Variants in PAWR observed in about 807,000 individuals in gnomAD.
PAWR encodes pro-apoptotic WT1 regulator, also known as PRKC apoptosis WT1 regulator protein.
A neutral mutation model predicts 32.0 loss-of-function variants in PAWR; 23 were observed. The observed-to-expected ratio is 0.72, with a 90% CI of 0.52 to 1.02. The LOEUF is 1.02. Ranked by LOEUF, PAWR falls within the 50% of genes least tolerant of loss-of-function variation. The pLI, the probability that PAWR is intolerant of heterozygous loss-of-function variation, is 0.00. For missense variants in PAWR, 457 were observed against 437.7 expected (o/e 1.04, Z -0.39); for synonymous variants, 226 against 187.1 (o/e 1.21, Z -1.70).
chr12:79,609,531 C>T (rs1874343079), intron 4 of PAWR, among the ~76,000 whole-genome samples: 2 of 151,960 alleles, frequency 1.3e-5, no homozygotes, highest in South Asian at 4.2e-4. Context: ...TGCTCCCCAT[C>T]CTGTGCCCAT....
At chr12:79,595,217 T>G (rs1162613527) in intron 5 of PAWR, among the ~76,000 whole-genome samples, 1 of 152,208 alleles carries the variant, frequency 6.6e-6, no homozygotes, top group Admixed American at 6.5e-5. Flanking sequence ...TGATAATGGA[T>G]AAAAAGAAGG....
chr12:79,687,599 A>T (rs560631938), intron 2 of PAWR, among the ~76,000 whole-genome samples: 10 of 152,268 alleles, frequency 6.6e-5, no homozygotes, highest in African/African-American at 2.4e-4. Flanking sequence ...TACCCGAAAA[A>T]TTTGCAAAAT....
chr12:79,649,102 G>A (rs1009542752), intron 2 of PAWR, among the ~76,000 whole-genome samples: 2 of 152,112 alleles, frequency 1.3e-5, no homozygotes, highest in Non-Finnish European at 2.9e-5. Flanking sequence ...AGCCAATCAC[G>A]ATCTTAATTT....
In PAWR at chr12:79,658,745, C is replaced by G. The variant is rs374668984; in HGVS notation, c.516+30984G>C. Among the ~76,000 whole-genome samples the G allele has an allele frequency of 6.6e-4, 101 of 152,094 alleles. 1 individual carries two copies. The East Asian group carries it at 0.014, about 22-fold the overall frequency. On this transcript the variant is annotated intron_variant, in intron 2 of 6. Transcript: ENST00000328827. ...GTGGCATGATCTCAGCTCACTGCAA[C>G]CTCCACCTCCCAAATTCAAGCGATT...
chr12:79,651,945 T>C (rs1435360815), intron 2 of PAWR, among the ~76,000 whole-genome samples: 1 of 152,216 alleles, frequency 6.6e-6, no homozygotes, highest in Non-Finnish European at 1.5e-5. Flanking sequence ...ATACATGCTG[T>C]AACATAGATG....
At chr12:79,667,340 AAAT>A (rs893708151) in intron 2 of PAWR, among the ~76,000 whole-genome samples, 1 of 152,028 alleles carries the variant, frequency 6.6e-6, no homozygotes, top group African/African-American at 2.4e-5. Flanking sequence ...ATCCTTGTCA[AAAT>A]AATAATAATA....
At chr12:79,602,800 G>A (rs1874015371) in intron 4 of PAWR, among the ~76,000 whole-genome samples, 1 of 141,024 alleles carries the variant, frequency 7.1e-6, no homozygotes, top group South Asian at 2.2e-4. Context: ...GTAGAGACGT[G>A]TCACTATGTT....
intron 2 of PAWR, among the ~76,000 whole-genome samples, chr12:79,653,564 C>G (rs185533218): frequency 6.6e-6 from 1 of 152,192 alleles, no homozygotes; most frequent in Non-Finnish European, 1.5e-5. Flanking sequence ...ACTGCAACCT[C>G]CACTGCCCAG....
intron 2 of PAWR, among the ~76,000 whole-genome samples, chr12:79,683,685 T>C (rs1878550732): frequency 6.6e-6 from 1 of 151,956 alleles, no homozygotes; most frequent in Non-Finnish European, 1.5e-5. Flanking sequence ...ATGAAAGATA[T>C]GTAAAAGTTT....
At chr12:79,662,960 TG>T (rs1008203060) in intron 2 of PAWR, among the ~76,000 whole-genome samples, 1 of 152,206 alleles carries the variant, frequency 6.6e-6, no homozygotes, top group African/African-American at 2.4e-5. Flanking sequence ...ACCTCTTACA[TG>T]GCAGATATTT....
intron 2 of PAWR, among the ~76,000 whole-genome samples, chr12:79,622,575 G>C (rs1875078092): frequency 6.6e-6 from 1 of 152,068 alleles, no homozygotes; most frequent in African/African-American, 2.4e-5. Context: ...TTCTGTCCTT[G>C]TGATAGTTTG....
chr12:79,601,886 T>C (rs902137838), intron 4 of PAWR, among the ~76,000 whole-genome samples: 17 of 152,216 alleles, frequency 1.1e-4, no homozygotes, highest in Non-Finnish European at 2.5e-4. Context: ...TTAAAAAGTT[T>C]CACTTAAAAC....
intron 2 of PAWR, among the ~76,000 whole-genome samples, chr12:79,637,956 C>T (rs1378585017): frequency 2.0e-5 from 3 of 152,050 alleles, no homozygotes; most frequent in Non-Finnish European, 2.9e-5. Flanking sequence ...TCTCTTGTAA[C>T]AAAAATTTTA....
At chr12:79,616,732 AAC>A (rs1874756462) in intron 3 of PAWR, among the ~76,000 whole-genome samples, 1 of 151,980 alleles carries the variant, frequency 6.6e-6, no homozygotes, top group Non-Finnish European at 1.5e-5. Flanking sequence ...TTTTTTTTTA[AAC>A]ACTCAGTCAC....
intron 2 of PAWR, among the ~76,000 whole-genome samples, chr12:79,676,048 T>C (rs749242328): frequency 2.3e-4 from 35 of 150,418 alleles, no homozygotes; most frequent in Non-Finnish European, 8.9e-5. Context: ...AAATCAAGAA[T>C]GGAGGCAAGT....
intron 2 of PAWR, among the ~76,000 whole-genome samples, chr12:79,657,721 G>A (rs1253386609): frequency 6.6e-6 from 1 of 151,964 alleles, no homozygotes; most frequent in Admixed American, 6.6e-5. Context: ...GTGAACCCGG[G>A]AGGTGGAGCT....
At chr12:79,611,609 A>T (rs1229052885) in intron 4 of PAWR, among the ~76,000 whole-genome samples, 1 of 151,954 alleles carries the variant, frequency 6.6e-6, no homozygotes, top group African/African-American at 2.4e-5. Flanking sequence ...GTGGCTTTTT[A>T]AGTTTTTGTC....
intron 2 of PAWR, among the ~76,000 whole-genome samples, chr12:79,661,296 CATA>C (rs1424094113): frequency 2.0e-5 from 3 of 151,012 alleles, no homozygotes; most frequent in Admixed American, 6.6e-5. Flanking sequence ...AACTTTGAGC[CATA>C]ATATTTCTAC....
chr12:79,645,086 G>C (rs867149986), intron 2 of PAWR, among the ~76,000 whole-genome samples: 2 of 139,428 alleles, frequency 1.4e-5, no homozygotes, highest in Middle Eastern at 7.4e-3. Flanking sequence ...ATGTGGAATA[G>C]GAAATGAGGG....
Sources: allele counts gnomAD v4.1 joint callset (sites outside exome capture counted in the v4.1 genomes callset), GRCh38; gene constraint gnomAD v4.1.1; transcripts MANE v1.5; gene names NCBI Gene and HGNC (gene_info 2026-07-23, HGNC 2026-07-21).